Variants in FCMR observed in about 807,000 individuals in gnomAD.
FCMR encodes the protein Fc mu receptor.
FCMR carries 34 observed loss-of-function variants against 41.6 expected under a neutral mutation model. The ratio of observed to expected loss-of-function variants is 0.82; its 90% CI spans 0.62 to 1.09. The LOEUF is 1.09. Ranked by LOEUF, FCMR falls within the 50% of genes least tolerant of loss-of-function variation. FCMR has a pLI of 0.00. For missense variants in FCMR, 496 were observed against 512.5 expected (o/e 0.97, Z 0.31); for synonymous variants, 209 against 211.8 (o/e 0.99, Z 0.12).
intron 1 of FCMR, 80 bp from the exon 2 acceptor site, chr1:206,914,174 G>A (rs573908303): frequency 6.9e-5 from 79 of 1,144,122 alleles, no homozygotes; most frequent in East Asian, 1.9e-4. Flanking sequence ...AGCTCCAGCC[G>A]TCTCTCCAAC....
Position 206,909,846 on chromosome 1 carries a change from T to A in FCMR, c.864A>T (p.Arg288=). ...RRKALSRRAR[R]LAVRMRALES... is the part of the protein sequence containing the mutation. ...CCAGGGCGCGCATCCTCACGGCCAG[T>A]CGGCGGGCCCGCCTGGAGAGGGCTT... The change falls in exon 6 of 8, where the codon CGA becomes CGT. Residue 288 remains arginine (R), a synonymous_variant. Transcript: ENST00000367091. The surrounding 1 kb of genome is among the most constrained non-coding windows in gnomAD (Gnocchi z 5.0). 7.2e-7 allele frequency: 1 copy of A among 1,384,908 alleles called. No homozygotes were observed. Among genetic ancestry groups the A allele is most frequent in the Non-Finnish European group, 9.3e-7 (1 of 1,071,648 alleles). 85.8% of individuals were successfully genotyped at this position (1,384,908 alleles called of 1,614,324 possible). A position where few individuals can be genotyped will look rare whatever the true frequency, so the allele number is the denominator to read the frequency against.
chr1:206,906,076 A>T (rs1056140766), intron 7 of FCMR: 17 of 357,890 alleles, frequency 4.8e-5, no homozygotes, highest in Non-Finnish European at 7.4e-5. Context: ...TCAGTCAAGT[A>T]ATCAGTGAAA....
At chr1:206,910,146 G>C in intron 5 of FCMR, 64 bp downstream of exon 5, 1 of 1,449,794 alleles carries the variant, frequency 6.9e-7, no homozygotes, top group Non-Finnish European at 9.1e-7. Flanking sequence ...GTTCAAAAGG[G>C]GGTTCTGAAC....
chr1:206,914,223 A>G (rs1679078540), intron 1 of FCMR, 129 bp from the exon 2 acceptor site: 11 of 673,974 alleles, frequency 1.6e-5, no homozygotes, highest in South Asian at 1.6e-4. Flanking sequence ...ATTCATCCCC[A>G]GATCCAGCCC....
chr1:206,922,109 C>T (rs1205986268), upstream of FCMR: 3 of 546,960 alleles, frequency 5.5e-6, no homozygotes, highest in Non-Finnish European at 9.9e-6. Context: ...GAAAGGGTCA[C>T]CCTGTTCAAA....
rs967220083 is a variant in FCMR at position 206,913,938 on chromosome 1, G to A, written c.194C>T (p.Thr65Ile). Residue 65 changes from threonine (T) to isoleucine (I), a missense_variant, in exon 2 of 8, where the codon ACC becomes ATC. Physicochemically the swap from Thr to Ile is moderately conservative, Grantham distance 89. Coordinates refer to ENST00000367091, the MANE Select transcript of FCMR (RefSeq NM_005449.5). Reference sequence around the variant, plus strand: ...CTTGTATTCTGCCTTGATGAAGTTGGTGGTGGATACCACGGTACCACATGT... The same window carrying A: ...CTTGTATTCTGCCTTGATGAAGTTGATGGTGGATACCACGGTACCACATGT... ...SGTCGTVVST[T>I]NFIKAEYKGR... is the part of the protein sequence containing the mutation. 2 of 1,614,182 alleles carry A rather than the reference G, an allele frequency of 1.2e-6. No individual in the cohort carries two copies. The highest frequency in any genetic ancestry group is 1.1e-5 in the South Asian group (1 of 91,078).
chr1:206,910,275 A>T lies in FCMR; in HGVS notation c.776T>A (p.Ile259Asn). ...GQGFHILIPT[I>N]LGLFLLALLG... is the part of the protein sequence containing the mutation. ...AAGTGCCAGCAGGAAAAGGCCCAGG[A>T]TGGTCGGGATCAGGATGTGAAATCC... is the stretch of plus-strand genomic sequence containing the variant. Residue 259 changes from isoleucine (I) to asparagine (N), a missense_variant, in exon 5 of 8, where the codon ATC becomes AAC. Transcript: ENST00000367091. 6.3e-7 allele frequency: 1 copy of T among 1,580,488 alleles called. No homozygotes were observed. The highest frequency in any genetic ancestry group is 8.6e-7 in the Non-Finnish European group (1 of 1,163,100).
chr1:206,913,071 G>C (rs772579482), intron 2 of FCMR, 29 bp from the exon 3 acceptor site: 4 of 1,530,354 alleles, frequency 2.6e-6, no homozygotes, highest in Non-Finnish European at 3.6e-6. Context: ...ATATGTTGGT[G>C]GTCTCTAGGG....
chr1:206,921,523 C>T, intron 1 of FCMR: 1 of 492,654 alleles, frequency 2.0e-6, no homozygotes. Context: ...ATCACTCGAA[C>T]CCAGGAGTAC....
rs1015565595 is a variant in FCMR at position 206,905,236 on chromosome 1, T to C, written c.1045-89A>G. 1.2e-5 allele frequency: 17 copies of C among 1,443,346 alleles called. No individual in the cohort carries two copies. The African/African-American group carries it at 1.8e-4, about 15-fold the overall frequency. 89.4% of individuals were successfully genotyped at this position (1,443,346 alleles called of 1,614,324 possible). On this transcript the variant is annotated intron_variant, in intron 7 of 7. Transcript: ENST00000367091. ...GATTTTCATAGTGGGCAATGGGGCATGGACATGGCTGCTGAGTTCCAGAAG... is the reference window on the plus strand; with the variant it reads ...GATTTTCATAGTGGGCAATGGGGCACGGACATGGCTGCTGAGTTCCAGAAG...
chr1:206,907,928 T>G, intron 7 of FCMR: 2 of 1,262,038 alleles, frequency 1.6e-6, no homozygotes, highest in Non-Finnish European at 2.3e-6. Context: ...CACCTCAAGG[T>G]GTTTGACGGC....
intron 4 of FCMR, 122 bp from the exon 5 acceptor site, chr1:206,910,462 G>C: frequency 2.8e-6 from 2 of 706,412 alleles, no homozygotes; most frequent in Middle Eastern, 2.9e-4. Flanking sequence ...TTTGTTAACA[G>C]AATTCACTCC....
Position 206,909,698 on chromosome 1 carries a change from C to A in FCMR, c.985+27G>T. On this transcript the variant is annotated intron_variant, in intron 6 of 7. Transcript: ENST00000367091. This position sits in a 1 kb window ranked among gnomAD's most constrained non-coding sequence, Gnocchi z 5.0. ...CGGAGCCAGCGCACTCTTTCCGCTACTCCCCGTGGCCCGCCCGGCGGCTCA... is the reference window on the plus strand; with the variant it reads ...CGGAGCCAGCGCACTCTTTCCGCTAATCCCCGTGGCCCGCCCGGCGGCTCA... 7.2e-7 allele frequency: 1 copy of A among 1,397,430 alleles called. No homozygotes were observed. The highest frequency in any genetic ancestry group is 9.2e-7 in the Non-Finnish European group (1 of 1,088,068). The allele number at this position is 1,397,430 out of a possible 1,614,324, so 86.6% of individuals were successfully genotyped here.
At chr1:206,905,207 G>T in intron 7 of FCMR, 60 bp from the exon 8 acceptor site, 1 of 1,598,692 alleles carries the variant, frequency 6.3e-7, no homozygotes, top group East Asian at 2.2e-5. Context: ...TATCTCCCCA[G>T]GTGGATTTTC....
In FCMR at chr1:206,910,357, AGG is replaced by A. The variant is rs1182105679; in HGVS notation, c.711-19_711-18del. On this transcript the variant is annotated intron_variant, in intron 4 of 7. Coordinates refer to ENST00000367091, the MANE Select transcript of FCMR (RefSeq NM_005449.5). ...TCCAGTGCTCTGGGGAGGGAAGGAA[AGG>A]GAGAGAGGGAGGAAGAGATTATTAA... 1 of 1,520,614 alleles carries A rather than the reference AGG, an allele frequency of 6.6e-7. No homozygotes were observed. The highest frequency in any genetic ancestry group is 2.2e-5 in the Admixed American group (1 of 45,946). 94.2% of individuals were successfully genotyped at this position (1,520,614 alleles called of 1,614,324 possible).
chr1:206,914,339 TTCCTTCCTTCCTTC>T (rs1223707815), intron 1 of FCMR, among the ~76,000 whole-genome samples: 2 of 148,312 alleles, frequency 1.3e-5, no homozygotes, highest in East Asian at 2.0e-4. Flanking sequence ...CCTTCCTTCC[TTCCTTCCTTCCTTC>T]CTTTCTTTCT....
rs1342784261 is a variant in FCMR at position 206,909,800 on chromosome 1, C to G, written c.910G>C (p.Gly304Arg). The change falls in exon 6 of 8, where the codon GGG (glycine) becomes CGG (arginine). Residue 304 changes from glycine to arginine, a missense_variant. Transcript: ENST00000367091. The surrounding 1 kb of genome is among the most constrained non-coding windows in gnomAD (Gnocchi z 5.0). The stretch of plus-strand genomic sequence containing the variant: ...TTTTGGGAGCGCGGTCGCGGCGACC[C>G]GCGGGGCCTCTGGGAGCTCTCCAGG... The part of the protein sequence containing the change: ...RALESSQRPR[G>R]SPRPRSQNNI... 2.1e-6 allele frequency: 3 copies of G among 1,437,832 alleles called. No individual in the cohort carries two copies. Among genetic ancestry groups the G allele is most frequent in the Middle Eastern group, 2.0e-4 (1 of 5,022 alleles). 89.1% of individuals were successfully genotyped at this position (1,437,832 alleles called of 1,614,324 possible).
At chr1:206,916,850 T>A (rs979278401) in intron 1 of FCMR, among the ~76,000 whole-genome samples, 2 of 152,254 alleles carry the variant, frequency 1.3e-5, no homozygotes, top group Admixed American at 6.5e-5. Context: ...GTCTAGGGCA[T>A]GGTCTAGAAA....
chr1:206,906,394 T>C (rs907657737), intron 7 of FCMR: 3 of 184,076 alleles, frequency 1.6e-5, no homozygotes, highest in African/African-American at 7.1e-5. Flanking sequence ...AAATCCTCGA[T>C]GTATGACATG....
Sources: allele counts gnomAD v4.1 joint callset (sites outside exome capture counted in the v4.1 genomes callset), GRCh38; gene constraint gnomAD v4.1.1; non-coding constraint Gnocchi (gnomAD v3.1); transcripts MANE v1.5; gene names NCBI Gene and HGNC (gene_info 2026-07-23, HGNC 2026-07-21).